Variants in UBE2R2 observed in about 807,000 individuals in gnomAD.
The protein encoded by UBE2R2 is ubiquitin-conjugating enzyme E2 R2.
A neutral mutation model predicts 27.8 loss-of-function variants in UBE2R2; 1 was observed. The observed-to-expected ratio is 0.04, with a 90% confidence interval of 0.01 to 0.17. The LOEUF (loss-of-function observed/expected upper bound fraction) is 0.17. UBE2R2 is among the 10% of genes least tolerant of loss of function. UBE2R2 has a pLI of 1.00. For missense variants in UBE2R2, 100 were observed against 291.0 expected (o/e 0.34, Z 4.78); for synonymous variants, 106 against 113.3 (o/e 0.94, Z 0.41).
At chr9:33,852,186 C>T (rs1179512425) in intron 1 of UBE2R2, among the ~76,000 whole-genome samples, 1 of 152,132 alleles carries the variant, frequency 6.6e-6, no homozygotes, top group Non-Finnish European at 1.5e-5. Context: ...TGGCATGTGC[C>T]TATAGTCCCA....
chr9:33,911,586 A>G (rs1345621679), intron 3 of UBE2R2, among the ~76,000 whole-genome samples: 1 of 152,052 alleles, frequency 6.6e-6, no homozygotes, highest in Non-Finnish European at 1.5e-5. Context: ...TGCTTTCTGT[A>G]GGTTGGAACA....
chr9:33,866,427 C>T (rs1163322797), intron 1 of UBE2R2, among the ~76,000 whole-genome samples: 6 of 151,940 alleles, frequency 3.9e-5, no homozygotes, highest in African/African-American at 1.2e-4. Flanking sequence ...TTAGTAGAGA[C>T]GGAGTTTCAC....
At chr9:33,892,448 G>A (rs1822012570) in intron 2 of UBE2R2, among the ~76,000 whole-genome samples, 1 of 152,096 alleles carries the variant, frequency 6.6e-6, no homozygotes, top group Non-Finnish European at 1.5e-5. Flanking sequence ...TGAGGGGAAA[G>A]TTCAGAGAAA....
At chr9:33,879,361 T>C (rs1394652860) in intron 1 of UBE2R2, among the ~76,000 whole-genome samples, 1 of 152,254 alleles carries the variant, frequency 6.6e-6, no homozygotes, top group Middle Eastern at 3.2e-3. Context: ...TACTGCTATC[T>C]GTGCTACCTT....
At position 33,866,262 on chromosome 9, in the gene UBE2R2, A is replaced by G. The variant is rs538373657; in HGVS notation, c.178-20619A>G. 1.0e-4 allele frequency among the ~76,000 whole-genome samples: 15 copies of G among 150,432 alleles called. No individual in the cohort carries two copies. The East Asian group carries it at 2.8e-3, about 28-fold the overall frequency. ...ATTAACTTTTTTTTTTTTTTGAGACAGAGTCTTGCTCCCTCACCCAGGCTG... is the reference window on the plus strand; with the variant it reads ...ATTAACTTTTTTTTTTTTTTGAGACGGAGTCTTGCTCCCTCACCCAGGCTG... On this transcript the variant is annotated intron_variant, in intron 1 of 4. Coordinates refer to ENST00000263228, the MANE Select transcript of UBE2R2 (RefSeq NM_017811.4).
At chr9:33,877,799 C>CTCTGTCTGTCTGTCTG (rs546643488) in intron 1 of UBE2R2, among the ~76,000 whole-genome samples, 32 of 145,230 alleles carry the variant, frequency 2.2e-4, no homozygotes, top group African/African-American at 8.0e-4. Flanking sequence ...TTTTGCCCCT[C>CTCTGTCTGTCTGTCTG]TCTGTCTGTC....
intron 3 of UBE2R2, among the ~76,000 whole-genome samples, chr9:33,908,641 TTAGATATGGA>T (rs1822417181): frequency 6.6e-6 from 1 of 152,200 alleles, no homozygotes; most frequent in South Asian, 2.1e-4. Context: ...TCTCATTTTG[TTAGATATGGA>T]TGATTTACCA....
chr9:33,838,372 A>G (rs1820660779), intron 1 of UBE2R2, among the ~76,000 whole-genome samples: 1 of 149,708 alleles, frequency 6.7e-6, no homozygotes, highest in African/African-American at 2.5e-5. Flanking sequence ...GTTTATATAT[A>G]TGTATGTACA....
At chr9:33,913,459 G>A (rs1282884789) in intron 4 of UBE2R2, among the ~76,000 whole-genome samples, 1 of 151,718 alleles carries the variant, frequency 6.6e-6, no homozygotes, top group Non-Finnish European at 1.5e-5. Flanking sequence ...ATGAGGTCTT[G>A]CTGTGTTGCC....
At chr9:33,911,723 G>GT (rs1822496114) in intron 3 of UBE2R2, among the ~76,000 whole-genome samples, 1 of 151,976 alleles carries the variant, frequency 6.6e-6, no homozygotes, top group African/African-American at 2.4e-5. Context: ...TTGCCTGCCA[G>GT]TTAGCAGCTT....
At chr9:33,880,848 A>C (rs1414836052) in intron 1 of UBE2R2, among the ~76,000 whole-genome samples, 1 of 152,124 alleles carries the variant, frequency 6.6e-6, no homozygotes, top group Non-Finnish European at 1.5e-5. Context: ...TGAGAATCTG[A>C]CTAATGCCTG....
At chr9:33,855,124 G>T (rs1821072870) in intron 1 of UBE2R2, among the ~76,000 whole-genome samples, 1 of 152,178 alleles carries the variant, frequency 6.6e-6, no homozygotes, top group African/African-American at 2.4e-5. Context: ...TCACAAACAT[G>T]CAGGCTTGTT....
intron 1 of UBE2R2, among the ~76,000 whole-genome samples, chr9:33,884,730 A>G (rs1181785384): frequency 6.6e-6 from 1 of 151,978 alleles, no homozygotes; most frequent in East Asian, 1.9e-4. Context: ...GTCTTTGCCT[A>G]GTAACTTGAA....
At chr9:33,842,094 G>A (rs1488481428) in intron 1 of UBE2R2, among the ~76,000 whole-genome samples, 1 of 152,070 alleles carries the variant, frequency 6.6e-6, no homozygotes, top group African/African-American at 2.4e-5. Flanking sequence ...AGGCCCGGAG[G>A]CAAAATTAAA....
At chr9:33,831,702 C>T (rs1030967375) in intron 1 of UBE2R2, among the ~76,000 whole-genome samples, 1 of 152,046 alleles carries the variant, frequency 6.6e-6, no homozygotes, top group Non-Finnish European at 1.5e-5. Context: ...CTATGTCGCC[C>T]AGGCTGAAGT....
chr9:33,903,481 C>CAAAAAAGCCCCAAAAAAG, intron 3 of UBE2R2, among the ~76,000 whole-genome samples: 1 of 152,326 alleles, frequency 6.6e-6, no homozygotes, highest in East Asian at 1.9e-4. Context: ...AGATTTTCCT[C>CAAAAAAGCCCCAAAAAAG]ATTGCATTTT....
intron 1 of UBE2R2, among the ~76,000 whole-genome samples, chr9:33,825,879 C>T (rs1449744764): frequency 6.6e-6 from 1 of 152,188 alleles, no homozygotes; most frequent in Non-Finnish European, 1.5e-5. Flanking sequence ...TGCCTGCTCA[C>T]ACCTGTAATC....
At position 33,917,343 on chromosome 9, in the gene UBE2R2, G is replaced by C. The variant is rs934635394; in HGVS notation, c.*106G>C. 2 of 1,528,970 alleles carry C rather than the reference G, an allele frequency of 1.3e-6. No homozygotes were observed. The highest frequency in any genetic ancestry group is 1.3e-5 in the South Asian group (1 of 79,858). The allele number at this position is 1,528,970 out of a possible 1,614,324, so 94.7% of individuals were successfully genotyped here. On this transcript the variant is annotated 3_prime_UTR_variant, in exon 5 of 5. Transcript: ENST00000263228. ...CTCAGCAAAAACCTATTCACAGCGG[G>C]TGGGGAAACACACACAGCTCCTGCT...
chr9:33,833,308 G>A (rs1038732067), intron 1 of UBE2R2, among the ~76,000 whole-genome samples: 2 of 151,992 alleles, frequency 1.3e-5, no homozygotes, highest in Non-Finnish European at 1.5e-5. Flanking sequence ...CTCGTGATCC[G>A]CCTGCCTTGG....
Sources: gnomAD v4.1 joint callset for allele counts (sites outside exome capture counted in the v4.1 genomes callset) on GRCh38, gnomAD v4.1.1 for gene constraint, MANE v1.5 for transcripts, NCBI Gene and HGNC (gene_info 2026-07-23, HGNC 2026-07-21) for gene names.